The following MTHFD1 variants were observed in gnomAD, a reference collection of about 807,000 sequenced individuals.
The protein encoded by MTHFD1 is C-1-tetrahydrofolate synthase, cytoplasmic.
A neutral mutation model predicts 110.3 loss-of-function variants in MTHFD1; 44 were observed. The observed-to-expected ratio is 0.40, with a 90% confidence interval of 0.31 to 0.51. The LOEUF (loss-of-function observed/expected upper bound fraction) is 0.51. Ranked by LOEUF, MTHFD1 falls within the 20% of genes least tolerant of loss-of-function variation. MTHFD1 has a pLI of 0.60. For synonymous variants in MTHFD1, 402 were observed against 428.8 expected (o/e 0.94, Z 0.77); for missense variants, 909 against 1,173.1 (o/e 0.77, Z 3.29).
At chr14:64,449,361 C>A in intron 23 of MTHFD1, 84 bp from the exon 24 acceptor site, 1 of 1,495,830 alleles carries the variant, frequency 6.7e-7, no homozygotes. Context: ...GTGGGTAATT[C>A]ACATGAGGTT....
chr14:64,388,553 G>A, intron 1 of MTHFD1, 85 bp downstream of exon 1: 1 of 1,257,856 alleles, frequency 8.0e-7, no homozygotes, highest in Non-Finnish European at 1.2e-6. Context: ...ATTTTTTGCG[G>A]GAGGGACACT....
chr14:64,432,174 G>A (rs980633539), intron 15 of MTHFD1, among the ~76,000 whole-genome samples: 1 of 152,232 alleles, frequency 6.6e-6, no homozygotes, highest in African/African-American at 2.4e-5. Flanking sequence ...AGCCTTTGGA[G>A]TTTGCATCAT....
At chr14:64,459,146 T>C (rs1345052621) in intron 27 of MTHFD1, among the ~76,000 whole-genome samples, 1 of 152,178 alleles carries the variant, frequency 6.6e-6, no homozygotes, top group Non-Finnish European at 1.5e-5. Context: ...TATCTGGATA[T>C]TTTCAGACGT....
intron 1 of MTHFD1, among the ~76,000 whole-genome samples, chr14:64,391,715 C>G (rs934383662): frequency 3.3e-5 from 5 of 152,180 alleles, no homozygotes; most frequent in African/African-American, 9.7e-5. Context: ...CCTTTTCTCC[C>G]TCACGGGGAA....
intron 8 of MTHFD1, among the ~76,000 whole-genome samples, chr14:64,422,475 G>C (rs746676566): frequency 3.3e-5 from 5 of 152,182 alleles, no homozygotes; most frequent in Admixed American, 2.0e-4. Flanking sequence ...AAAGATTCAA[G>C]TGCAGGGCAG....
chr14:64,426,265 G>C, intron 11 of MTHFD1, 73 bp downstream of exon 11: 1 of 1,560,816 alleles, frequency 6.4e-7, no homozygotes, highest in Non-Finnish European at 8.8e-7. Flanking sequence ...ATTTGCACTT[G>C]GCACATGTAT....
At chr14:64,396,010 G>C (rs1391525218) in intron 1 of MTHFD1, among the ~76,000 whole-genome samples, 1 of 152,066 alleles carries the variant, frequency 6.6e-6, no homozygotes, top group East Asian at 1.9e-4. Context: ...AGAGACAATT[G>C]GATGGAAGAA....
intron 12 of MTHFD1, among the ~76,000 whole-genome samples, chr14:64,429,721 C>T (rs1423530595): frequency 6.6e-6 from 1 of 152,106 alleles, no homozygotes; most frequent in Non-Finnish European, 1.5e-5. Context: ...GGATACTCAA[C>T]CTGTAATCCA....
At chr14:64,450,796 C>T (rs1179032578) in intron 24 of MTHFD1, among the ~76,000 whole-genome samples, 2 of 152,118 alleles carry the variant, frequency 1.3e-5, no homozygotes, top group African/African-American at 4.8e-5. Flanking sequence ...CAGCCTCAAC[C>T]TCCTGGACCC....
rs756504147 is a variant in MTHFD1, at chr14:64,442,390, G to A, written c.2124G>A (p.Gly708=). The A allele has an allele frequency of 1.9e-6, 3 of 1,614,182 alleles. No individual in the cohort carries two copies. In the East Asian group the frequency reaches 6.7e-5, roughly 36 times the overall value. The change falls in exon 21 of 28, where the codon GGG becomes GGA. Residue 708 remains glycine (G), a synonymous_variant. Coordinates refer to ENST00000652337, the MANE Select transcript of MTHFD1 (RefSeq NM_005956.4). ...VATVRALKMH[G]GGPTVTAGLP... ...CTGTCAGGGCTCTCAAGATGCACGG[G>A]GGCGGCCCCACGGTGAGTGGTGGGT...
intron 2 of MTHFD1, among the ~76,000 whole-genome samples, chr14:64,409,640 C>A (rs2077966213): frequency 6.6e-6 from 1 of 151,766 alleles, no homozygotes; most frequent in Admixed American, 6.6e-5. Flanking sequence ...ACATGAGAGG[C>A]ACGAAAAGTC....
rs140970779 is a variant in MTHFD1, at chr14:64,433,609, T to A, written c.1494+1748T>A. Among the ~76,000 whole-genome samples the A allele has an allele frequency of 4.0e-3, 593 of 149,328 alleles. 21 individuals are homozygous for A. The highest frequency in any genetic ancestry group is 6.4e-4 in the Non-Finnish European group (43 of 66,898). On this transcript the variant is annotated intron_variant, in intron 15 of 27. Transcript: ENST00000652337. Reference sequence around the variant, plus strand: ...TTTATATATTGTGTAGAGACCGGGTTTTGCCGTGTTGCCCAGGCTGATCTC... The same window carrying A: ...TTTATATATTGTGTAGAGACCGGGTATTGCCGTGTTGCCCAGGCTGATCTC...
At chr14:64,444,543 T>A in intron 21 of MTHFD1, 150 bp from the exon 22 acceptor site, 5 of 835,268 alleles carry the variant, frequency 6.0e-6, no homozygotes, top group African/African-American at 1.7e-5. Flanking sequence ...ATTGGTCACA[T>A]ACCCTAAGTC....
chr14:64,407,544 C>CTTTTTTTTTTTTTTTTTTT (rs1252450612), intron 2 of MTHFD1, among the ~76,000 whole-genome samples: 1 of 65,044 alleles, frequency 1.5e-5, no homozygotes. Flanking sequence ...CTCACTCTCT[C>CTTTTTTTTTTTTTTTTTTT]TCTTTTTTTT....
chr14:64,436,798 A>G (rs2078209535), intron 16 of MTHFD1, among the ~76,000 whole-genome samples: 1 of 152,232 alleles, frequency 6.6e-6, no homozygotes, highest in Admixed American at 6.5e-5. Flanking sequence ...GGAATAAGCT[A>G]AAAGTCCATT....
chr14:64,397,047 G>C (rs1335284200), intron 1 of MTHFD1, among the ~76,000 whole-genome samples: 6 of 121,660 alleles, frequency 4.9e-5, no homozygotes, highest in Admixed American at 2.8e-4. Flanking sequence ...GGAGCTTGCA[G>C]TGAGCCGAGA....
At chr14:64,412,615 T>A in intron 4 of MTHFD1, 90 bp downstream of exon 4, 1 of 932,490 alleles carries the variant, frequency 1.1e-6, no homozygotes, top group Non-Finnish European at 1.8e-6. Flanking sequence ...ACTGACACAT[T>A]TAGCCAAGAC....
chr14:64,444,605 C>T (rs753301898), intron 21 of MTHFD1, 88 bp from the exon 22 acceptor site: 63 of 1,409,142 alleles, frequency 4.5e-5, no homozygotes, highest in Admixed American at 6.7e-5. Flanking sequence ...AGCATTGCAG[C>T]GTCTTGCCTT....
chr14:64,392,788 G>T (rs987625281), intron 1 of MTHFD1, among the ~76,000 whole-genome samples: 20 of 152,132 alleles, frequency 1.3e-4, no homozygotes, highest in Non-Finnish European at 2.9e-5. Context: ...GAAGTTGTTG[G>T]TACATGGTAA....
Sources: gnomAD v4.1 joint callset for allele counts (sites outside exome capture counted in the v4.1 genomes callset) on GRCh38, gnomAD v4.1.1 for gene constraint, MANE v1.5 for transcripts, NCBI Gene and HGNC (gene_info 2026-07-23, HGNC 2026-07-21) for gene names.